PARD3: variants seen among roughly 807,000 people sequenced by gnomAD.
PARD3 encodes the protein par-3 family cell polarity regulator, also known as partitioning defective 3 homolog.
PARD3 carries 75 observed loss-of-function variants against 155.4 expected under a neutral mutation model. The observed-to-expected ratio is 0.48, with a 90% CI of 0.40 to 0.58. The LOEUF (loss-of-function observed/expected upper bound fraction) is 0.58, where lower values mean the gene tolerates loss of function less well. Ranked by LOEUF, PARD3 falls within the 20% of genes least tolerant of loss-of-function variation. The probability of loss-of-function intolerance (pLI) is 0.00; values close to 1 mark genes in which losing one functional copy is unlikely to be tolerated. For synonymous variants in PARD3, 576 were observed against 610.5 expected, an observed-to-expected ratio of 0.94 and a Z score of 0.83; for missense variants, 1,642 against 1,721.7, an observed-to-expected ratio of 0.95 and a Z score of 0.82.
chr10:34,311,507 C>G (rs1435875089), intron 20 of PARD3, among the ~76,000 whole-genome samples: 1 of 152,304 alleles, frequency 6.6e-6, no homozygotes, highest in Admixed American at 6.5e-5. Context: ...GAGAAGGCTT[C>G]AAACCACAGT....
At chr10:34,599,827 T>C (rs1032313039) in intron 2 of PARD3, among the ~76,000 whole-genome samples, 3 of 152,190 alleles carry the variant, frequency 2.0e-5, no homozygotes, top group African/African-American at 4.8e-5. Flanking sequence ...ATTAAAGCCA[T>C]GTTTTAAATT....
chr10:34,798,512 C>G (rs1003165322), intron 1 of PARD3, among the ~76,000 whole-genome samples: 2 of 151,876 alleles, frequency 1.3e-5, no homozygotes, highest in African/African-American at 2.4e-5. Context: ...CAAGACCACC[C>G]TGACCAACAT....
intron 3 of PARD3, among the ~76,000 whole-genome samples, chr10:34,489,149 C>A (rs1301563472): frequency 6.6e-6 from 1 of 152,144 alleles, no homozygotes; most frequent in African/African-American, 2.4e-5. Flanking sequence ...ACCAGCCTGG[C>A]CAAGATGGTG....
intron 1 of PARD3, among the ~76,000 whole-genome samples, chr10:34,805,125 A>G (rs192070354): frequency 2.8e-4 from 42 of 152,322 alleles, no homozygotes; most frequent in African/African-American, 8.2e-4. Context: ...TGCAAGGCTG[A>G]GGCGGGCGGA....
At chr10:34,774,471 T>A in intron 1 of PARD3, among the ~76,000 whole-genome samples, 1 of 152,222 alleles carries the variant, frequency 6.6e-6, no homozygotes, top group South Asian at 2.1e-4. Flanking sequence ...GTTTCTATGG[T>A]TGAATACCAG....
chr10:34,487,481 A>T (rs1423228667), intron 3 of PARD3, among the ~76,000 whole-genome samples: 3 of 152,202 alleles, frequency 2.0e-5, no homozygotes, highest in Middle Eastern at 6.8e-3. Context: ...TGATTGTCTC[A>T]AGTATTGAAA....
intron 22 of PARD3, among the ~76,000 whole-genome samples, chr10:34,248,841 TC>T (rs1256678005): frequency 6.6e-6 from 1 of 152,160 alleles, no homozygotes; most frequent in Non-Finnish European, 1.5e-5. Flanking sequence ...CCATGTTAAC[TC>T]CAACACACAC....
chr10:34,370,804 TG>T (rs1491191413), intron 12 of PARD3, among the ~76,000 whole-genome samples: 4 of 113,104 alleles, frequency 3.5e-5, no homozygotes, highest in South Asian at 3.2e-4. Flanking sequence ...CAGATACAAA[TG>T]GGGTGTGTGT....
chr10:34,510,217 T>C (rs1191516995), intron 3 of PARD3, among the ~76,000 whole-genome samples: 3 of 152,300 alleles, frequency 2.0e-5, no homozygotes, highest in South Asian at 2.1e-4. Flanking sequence ...GCCCCTCTTC[T>C]AGGTAGCCCA....
At chr10:34,301,087 G>A (rs1398458739) in intron 20 of PARD3, among the ~76,000 whole-genome samples, 1 of 152,154 alleles carries the variant, frequency 6.6e-6, no homozygotes, top group East Asian at 1.9e-4. Context: ...CAGGTTTTGC[G>A]CTTGTGTTTG....
At chr10:34,576,857 A>G (rs768036303) in intron 2 of PARD3, among the ~76,000 whole-genome samples, 10 of 152,236 alleles carry the variant, frequency 6.6e-5, no homozygotes, top group African/African-American at 1.7e-4. Context: ...ATGCATAAAA[A>G]TGAAAGGAAA....
chr10:34,426,294 A>G (rs562037286), intron 5 of PARD3, among the ~76,000 whole-genome samples: 65 of 152,224 alleles, frequency 4.3e-4, no homozygotes, highest in Non-Finnish European at 8.7e-4. Context: ...ACCTTGGTAC[A>G]TGGTGAACAT....
At chr10:34,573,602 G>A (rs1252214694) in intron 2 of PARD3, among the ~76,000 whole-genome samples, 2 of 152,076 alleles carry the variant, frequency 1.3e-5, no homozygotes, top group Non-Finnish European at 2.9e-5. Flanking sequence ...AACTACTAAG[G>A]AGGCTGAGGC....
intron 22 of PARD3, among the ~76,000 whole-genome samples, chr10:34,152,836 G>T (rs1948840459): frequency 6.6e-6 from 1 of 152,262 alleles, no homozygotes; most frequent in African/African-American, 2.4e-5. Context: ...AGATGTAGGT[G>T]TTAATTATAT....
At chr10:34,146,521 A>T (rs1052280616) in intron 22 of PARD3, among the ~76,000 whole-genome samples, 1 of 152,192 alleles carries the variant, frequency 6.6e-6, no homozygotes, top group Non-Finnish European at 1.5e-5. Context: ...CGAGTCCTCC[A>T]CACTTTTTCT....
chr10:34,119,797 A>G, intron 23 of PARD3, 57 bp from the exon 24 acceptor site: 1 of 1,448,034 alleles, frequency 6.9e-7, no homozygotes. Flanking sequence ...CAGATCACAC[A>G]ACTGGTTGAC....
intron 3 of PARD3, among the ~76,000 whole-genome samples, chr10:34,514,638 T>C (rs1303206079): frequency 6.6e-6 from 1 of 152,226 alleles, no homozygotes; most frequent in African/African-American, 2.4e-5. Flanking sequence ...ATTCTCCCAC[T>C]GGTGGCTGCA....
At chr10:34,287,161 A>G (rs584581) in intron 20 of PARD3, among the ~76,000 whole-genome samples, 98,674 of 151,992 alleles carry the variant, frequency 0.65, 32,709 homozygotes, top group African/African-American at 0.78. Context: ...CATTCACTTC[A>G]TCCTGGAAGT....
At chr10:34,689,774 A>G (rs1419265715) in intron 2 of PARD3, among the ~76,000 whole-genome samples, 1 of 152,212 alleles carries the variant, frequency 6.6e-6, no homozygotes, top group Middle Eastern at 3.2e-3. Flanking sequence ...GCCACTATTT[A>G]AAAAGATCAA....
Sources: gnomAD v4.1 joint callset for allele counts (sites outside exome capture counted in the v4.1 genomes callset) on GRCh38, gnomAD v4.1.1 for gene constraint, MANE v1.5 for transcripts, NCBI Gene and HGNC (gene_info 2026-07-23, HGNC 2026-07-21) for gene names.